RGS6: variants seen among roughly 807,000 people sequenced by gnomAD.
The protein encoded by RGS6 is regulator of G-protein signaling 6.
Under a neutral mutation model 78.5 loss-of-function variants are expected in RGS6, and 30 were observed. The ratio of observed to expected loss-of-function variants is 0.38; its 90% CI spans 0.29 to 0.52. The LOEUF (loss-of-function observed/expected upper bound fraction) is 0.52. Ranked by LOEUF, RGS6 falls within the 20% of genes least tolerant of loss-of-function variation. The pLI is 0.85. For missense variants in RGS6, 495 were observed against 609.7 expected (o/e 0.81, Z 1.98); for synonymous variants, 206 against 206.0 (o/e 1.00, Z 0.00).
chr14:72,600,631 C>G, the RGS6 span, among the ~76,000 whole-genome samples: 1 of 152,112 alleles, frequency 6.6e-6, no homozygotes, highest in Non-Finnish European at 1.5e-5. Context: ...AGCCCTGAAG[C>G]CCAGCCATGG....
At chr14:72,097,924 G>A (rs2095442766) in intron 2 of RGS6, among the ~76,000 whole-genome samples, 1 of 152,156 alleles carries the variant, frequency 6.6e-6, no homozygotes, top group Non-Finnish European at 1.5e-5. Flanking sequence ...GCAAAACTTT[G>A]AAAGCGGGAA....
At chr14:72,505,383 G>T (rs1218454442) in intron 13 of RGS6, among the ~76,000 whole-genome samples, 1 of 152,168 alleles carries the variant, frequency 6.6e-6, no homozygotes, top group African/African-American at 2.4e-5. Context: ...GTCTTCACAT[G>T]ACAGAAGGGA....
intron 11 of RGS6, 59 bp downstream of exon 11, chr14:72,476,899 T>C (rs2096253271): frequency 1.4e-6 from 2 of 1,425,290 alleles, no homozygotes. Context: ...AAAAACCCTT[T>C]CAAATGTTCA....
chr14:72,139,355 A>G (rs2096501115), intron 2 of RGS6, among the ~76,000 whole-genome samples: 1 of 152,308 alleles, frequency 6.6e-6, no homozygotes, highest in Non-Finnish European at 1.5e-5. Context: ...GCCAGACAGA[A>G]CTGTTCCTTG....
chr14:72,405,020 G>A (rs1484528391), intron 3 of RGS6, among the ~76,000 whole-genome samples: 1 of 152,208 alleles, frequency 6.6e-6, no homozygotes, highest in Non-Finnish European at 1.5e-5. Flanking sequence ...GGAGGGCAGA[G>A]CTGAATGAGA....
intron 2 of RGS6, among the ~76,000 whole-genome samples, chr14:72,236,057 G>A (rs935300780): frequency 1.3e-5 from 2 of 152,184 alleles, no homozygotes; most frequent in African/African-American, 4.8e-5. Context: ...TATTCTTACA[G>A]CAGCTGTGTT....
the RGS6 span, among the ~76,000 whole-genome samples, chr14:72,572,847 CAG>C: frequency 5.0e-5 from 7 of 138,616 alleles, no homozygotes; most frequent in Non-Finnish European, 9.4e-5. Flanking sequence ...AAAACAAAAA[CAG>C]AAAAAAAGAA....
intron 3 of RGS6, among the ~76,000 whole-genome samples, chr14:72,392,660 C>A (rs1447142688): frequency 2.0e-5 from 3 of 152,192 alleles, no homozygotes; most frequent in African/African-American, 7.2e-5. Flanking sequence ...GTAAGCATCT[C>A]TTGTGGCCCA....
chr14:72,027,572 G>A (rs1035562361), intron 2 of RGS6, among the ~76,000 whole-genome samples: 1 of 152,120 alleles, frequency 6.6e-6, no homozygotes, highest in Non-Finnish European at 1.5e-5. Context: ...GATCAGTGAT[G>A]TCAAAAGCGT....
intron 15 of RGS6, among the ~76,000 whole-genome samples, chr14:72,532,925 T>A (rs186302213): frequency 1.3e-3 from 193 of 152,366 alleles, no homozygotes; most frequent in African/African-American, 4.4e-3. Context: ...AGTGCTGATA[T>A]AGAAGCTGCA....
the RGS6 span, among the ~76,000 whole-genome samples, chr14:71,880,741 G>A: frequency 2.9e-3 from 440 of 152,342 alleles, 2 homozygotes; most frequent in Non-Finnish European, 5.0e-3. Context: ...GCAAGGGCAG[G>A]GCCCTCATGG....
At chr14:72,271,657 T>G (rs1401942403) in intron 2 of RGS6, among the ~76,000 whole-genome samples, 1 of 152,230 alleles carries the variant, frequency 6.6e-6, no homozygotes. Flanking sequence ...ATTAGTTTTC[T>G]ACAGTTGCTG....
chr14:72,109,525 T>A (rs1470489937), intron 2 of RGS6, among the ~76,000 whole-genome samples: 1 of 152,172 alleles, frequency 6.6e-6, no homozygotes, highest in Non-Finnish European at 1.5e-5. Context: ...AACTTAATTA[T>A]GGGAAGTAAT....
At chr14:72,061,193 G>A (rs2093876048) in intron 2 of RGS6, among the ~76,000 whole-genome samples, 1 of 152,196 alleles carries the variant, frequency 6.6e-6, no homozygotes, top group Non-Finnish European at 1.5e-5. Flanking sequence ...TTGTGAAAGC[G>A]AGTGTTGAGA....
At chr14:72,265,941 G>C (rs4992230) in intron 2 of RGS6, among the ~76,000 whole-genome samples, 14 of 145,254 alleles carry the variant, frequency 9.6e-5, no homozygotes, top group Non-Finnish European at 1.8e-4. Flanking sequence ...GCTTTTTTGG[G>C]GGGGGGGGCG....
intron 2 of RGS6, among the ~76,000 whole-genome samples, chr14:72,129,794 C>T (rs777210837): frequency 5.3e-5 from 8 of 152,272 alleles, no homozygotes; most frequent in Non-Finnish European, 7.4e-5. Flanking sequence ...GTGTTGCTCC[C>T]TCTTTTAGTT....
At chr14:72,531,015 C>T (rs2097176080) in intron 15 of RGS6, among the ~76,000 whole-genome samples, 1 of 152,224 alleles carries the variant, frequency 6.6e-6, no homozygotes, top group Non-Finnish European at 1.5e-5. Flanking sequence ...TTCCTCAAGG[C>T]ACTTAAACAA....
chr14:72,494,431 G>GA (rs2096617457), intron 12 of RGS6, among the ~76,000 whole-genome samples: 1 of 152,178 alleles, frequency 6.6e-6, no homozygotes, highest in Non-Finnish European at 1.5e-5. Flanking sequence ...GTAGCTTTTA[G>GA]AAAAAACATA....
At chr14:72,156,296 A>C (rs1343723495) in intron 2 of RGS6, among the ~76,000 whole-genome samples, 4 of 151,990 alleles carry the variant, frequency 2.6e-5, no homozygotes, top group Non-Finnish European at 4.4e-5. Flanking sequence ...GATACAAAAA[A>C]TTAGCTGGGC....
Sources: gnomAD v4.1 joint callset for allele counts (sites outside exome capture counted in the v4.1 genomes callset) on GRCh38, gnomAD v4.1.1 for gene constraint, MANE v1.5 for transcripts, NCBI Gene and HGNC (gene_info 2026-07-23, HGNC 2026-07-21) for gene names.